The following FGL2 variants were observed in gnomAD, a reference collection of about 807,000 sequenced individuals.
FGL2 encodes the protein fibrinogen like 2.
A neutral mutation model predicts 36.0 loss-of-function variants in FGL2; 21 were observed. That is an observed-to-expected ratio of 0.58 (90% CI 0.41 to 0.84). The LOEUF (loss-of-function observed/expected upper bound fraction) is 0.84, where lower values mean the gene tolerates loss of function less well. Ranked by LOEUF, FGL2 falls within the 40% of genes least tolerant of loss-of-function variation. The pLI is 0.00. For missense variants in FGL2, 444 were observed against 526.3 expected, an observed-to-expected ratio of 0.84 and a Z score of 1.53; for synonymous variants, 183 against 190.7, an observed-to-expected ratio of 0.96 and a Z score of 0.33.
At chr7:77,199,052 G>C (rs1354851104) in intron 1 of FGL2, 129 bp downstream of exon 1, 1 of 787,186 alleles carries the variant, frequency 1.3e-6, no homozygotes, top group Non-Finnish European at 2.0e-6. Context: ...ATTTTTTCCT[G>C]TGCACCTTGA....
In FGL2 at chr7:77,199,668, T is replaced by C. The variant is rs571305378; in HGVS notation, c.126A>G (p.Arg42=). Reference sequence around the variant, plus strand: ...CTTCGCATTTCCCTCTGCTTTCTAGTCTCACTGGGCAGACATCCTTTGCTC... The same window carrying C: ...CTTCGCATTTCCCTCTGCTTTCTAGCCTCACTGGGCAGACATCCTTTGCTC... ...DERAKDVCPV[R]LESRGKCEEA... Residue 42 remains arginine (R), a synonymous_variant, in exon 1 of 2, where the codon AGA becomes AGG. Transcript: ENST00000248598. 1.2e-6 allele frequency: 2 copies of C among 1,614,220 alleles called. No individual in the cohort carries two copies. Among genetic ancestry groups the C allele is most frequent in the African/African-American group, 2.7e-5 (2 of 75,066 alleles).
chr7:77,196,658 G>A lies in FGL2; in HGVS notation c.941C>T (p.Ala314Val), dbSNP rs868604891. ...LEDFNGVELY[A>V]LYDQFYVANE... ...AGCCACATAAAACTGATCATACAAG[G>A]CATATAGTTCGACACCATTAAAGTC... The change falls in exon 2 of 2, where the codon GCC becomes GTC. Residue 314 changes from alanine to valine, a missense_variant. Ala to Val is a moderately conservative substitution (Grantham distance 64). Transcript: ENST00000248598. The surrounding 1 kb of genome is among the most constrained non-coding windows in gnomAD (Gnocchi z 4.2). 6.2e-7 allele frequency: 1 copy of A among 1,613,918 alleles called. No homozygotes were observed. Among genetic ancestry groups the A allele is most frequent in the Admixed American group, 1.7e-5 (1 of 60,014 alleles).
chr7:77,196,948 G>A lies in FGL2; in HGVS notation c.651C>T (p.Tyr217=), dbSNP rs566096585. The A allele has an allele frequency of 3.4e-5, 55 of 1,611,638 alleles. No individual in the cohort carries two copies. The highest frequency in any genetic ancestry group is 4.0e-5 in the Non-Finnish European group (47 of 1,178,752). The change falls in exon 2 of 2, where the codon TAC becomes TAT. Residue 217 remains tyrosine, a synonymous_variant. Transcript: ENST00000248598. The surrounding 1 kb of genome is among the most constrained non-coding windows in gnomAD (Gnocchi z 4.2). The stretch of plus-strand genomic sequence containing the variant: ...TCTCACTGCTTCTTTTGCCTATTGC[G>A]TAGTAGTCAGAGCAATCTTTATATA... The part of the protein sequence containing the change: ...HLIYKDCSDY[Y]AIGKRSSETY...
In FGL2 at chr7:77,196,453, A is replaced by G; in HGVS notation, c.1146T>C (p.Asp382=). 16 of 1,614,194 alleles carry G rather than the reference A, an allele frequency of 9.9e-6. No individual in the cohort carries two copies. The highest frequency in any genetic ancestry group is 1.3e-5 in the Non-Finnish European group (15 of 1,180,030). Residue 382 remains aspartate (D), a synonymous_variant, in exon 2 of 2, where the codon GAT becomes GAC. Coordinates refer to ENST00000248598, the MANE Select transcript of FGL2 (RefSeq NM_006682.3). This position sits in a 1 kb window ranked among gnomAD's most constrained non-coding sequence, Gnocchi z 4.2. ...CATTTAAGTTTGCAGAAAGACATGC[A>G]TCAAACCACCAGCCTGAACTGTAGT... ...GLYYSSGWWF[D]ACLSANLNGK... is the part of the protein sequence containing the mutation.
chr7:77,198,293 C>T (rs1406108083), intron 1 of FGL2: 1 of 985,304 alleles, frequency 1.0e-6, no homozygotes, highest in Admixed American at 6.1e-5. Context: ...GATCTCCGCC[C>T]TGTCCTTTCA....
chr7:77,194,975 C>T lies in FGL2; in HGVS notation c.*1304G>A, dbSNP rs1213278381. Reference sequence around the variant, plus strand: ...GATAGTAAAATAAGCAATCTACCAGCCAGGGTTGAAATATATAGTATTTTA... The same window carrying T: ...GATAGTAAAATAAGCAATCTACCAGTCAGGGTTGAAATATATAGTATTTTA... On this transcript the variant is annotated 3_prime_UTR_variant, in exon 2 of 2. Coordinates refer to ENST00000248598, the MANE Select transcript of FGL2 (RefSeq NM_006682.3). 6.6e-6 allele frequency: 1 copy of T among 152,010 alleles called. No individual in the cohort carries two copies. The highest frequency in any genetic ancestry group is 2.4e-5 in the African/African-American group (1 of 41,392). 9.4% of individuals were successfully genotyped at this position (152,010 alleles called of 1,614,324 possible). A position where few individuals can be genotyped will look rare whatever the true frequency, so the allele number is the denominator to read the frequency against.
chr7:77,198,894 C>T (rs1001511048), intron 1 of FGL2: 27 of 456,604 alleles, frequency 5.9e-5, no homozygotes, highest in Non-Finnish European at 1.0e-4. Context: ...ACTAAAACAT[C>T]AAGAAATTCT....
intron 1 of FGL2, 107 bp from the exon 2 acceptor site, chr7:77,197,092 T>A: frequency 1.4e-6 from 1 of 704,972 alleles, no homozygotes. Context: ...TCAATGGCAG[T>A]AATGAAACTT....
At position 77,196,584 on chromosome 7, in the gene FGL2, C is replaced by G. The variant is rs1485003871; in HGVS notation, c.1015G>C (p.Ala339Pro). ...TTGTTGAAACGTAATGCATCTCCAG[C>G]TGTGCCATTATAGTTACCAACGTGT... ...RLHVGNYNGT[A>P]GDALRFNKHY... Residue 339 changes from alanine to proline, a missense_variant, in exon 2 of 2, where the codon GCT (alanine) becomes CCT (proline). By Grantham distance (27) the Ala-to-Pro change is conservative (BLOSUM62 -1). Transcript: ENST00000248598. The surrounding 1 kb of genome is among the most constrained non-coding windows in gnomAD (Gnocchi z 4.2). The G allele has an allele frequency of 1.2e-6, 2 of 1,614,164 alleles. No individual in the cohort carries two copies. The highest frequency in any genetic ancestry group is 1.7e-6 in the Non-Finnish European group (2 of 1,180,006).
rs1311999589 is a variant in FGL2, at chr7:77,194,909, C to A, written c.*1370G>T. ...CAGAATTGATGAATTATAAAAATTA[C>A]AGATACTTCTGTTTGGGTAAAAATC... On this transcript the variant is annotated 3_prime_UTR_variant, in exon 2 of 2. Transcript: ENST00000248598. 6.6e-6 allele frequency: 1 copy of A among 152,024 alleles called. No individual in the cohort carries two copies. The highest frequency in any genetic ancestry group is 2.4e-5 in the African/African-American group (1 of 41,404). The allele number at this position is 152,024 out of a possible 1,614,324, so 9.4% of individuals were successfully genotyped here. A position where few individuals can be genotyped will look rare whatever the true frequency, so the allele number is the denominator to read the frequency against.
At position 77,195,139 on chromosome 7, in the gene FGL2, T is replaced by C. The variant is rs1419058855; in HGVS notation, c.*1140A>G. ...CAGAGTATGATAGCCTGTAAGTAAA[T>C]GCTTCATTACCCACATATCCCTACC... On this transcript the variant is annotated 3_prime_UTR_variant, in exon 2 of 2. Coordinates refer to ENST00000248598, the MANE Select transcript of FGL2 (RefSeq NM_006682.3). 6.6e-6 allele frequency: 1 copy of C among 152,066 alleles called. No individual in the cohort carries two copies. The highest frequency in any genetic ancestry group is 1.9e-4 in the East Asian group (1 of 5,194). 9.4% of individuals were successfully genotyped at this position (152,066 alleles called of 1,614,324 possible).
chr7:77,198,215 C>T (rs1382298947), intron 1 of FGL2: 4 of 985,330 alleles, frequency 4.1e-6, no homozygotes, highest in Non-Finnish European at 4.8e-6. Context: ...AAATATGACC[C>T]TTCCCTCCTT....
In FGL2 at chr7:77,196,913, ACT is replaced by A. The variant is rs1791883297; in HGVS notation, c.684_685del (p.Arg228SerfsTer4). On this transcript the variant is annotated frameshift_variant, in exon 2 of 2. Transcript: ENST00000248598. LOFTEE classifies it high-confidence loss of function. The surrounding 1 kb of genome is among the most constrained non-coding windows in gnomAD (Gnocchi z 4.2). ...GCTACTATTTTTGGGATCAGGTGTA[ACT>A]CTGTAGGTCTCACTGCTTCTTTTGC... is the stretch of plus-strand genomic sequence containing the variant. 1 of 1,613,590 alleles carries A rather than the reference ACT, an allele frequency of 6.2e-7. No homozygotes were observed. Among genetic ancestry groups the A allele is most frequent in the East Asian group, 2.2e-5 (1 of 44,872 alleles).
In FGL2 at chr7:77,199,566, C is replaced by G; in HGVS notation, c.228G>C (p.Glu76Asp). Residue 76 changes from glutamate to aspartate, a missense_variant, in exon 1 of 2, where the codon GAG becomes GAC. Coordinates refer to ENST00000248598, the MANE Select transcript of FGL2 (RefSeq NM_006682.3). ...GGTTTTGGACTTCTTTGAACACCTC[C>G]TCGATCCTGCTGAATTGCTTCGGGA... ...IQLPKQFSRI[E>D]EVFKEVQNLK... 6.2e-7 allele frequency: 1 copy of G among 1,614,170 alleles called. No homozygotes were observed. The highest frequency in any genetic ancestry group is 8.5e-7 in the Non-Finnish European group (1 of 1,180,020).
At position 77,196,324 on chromosome 7, in the gene FGL2, G is replaced by GA; in HGVS notation, c.1274dup (p.Lys426GlnfsTer4). 6.2e-7 allele frequency: 1 copy of GA among 1,614,058 alleles called. No homozygotes were observed. On this transcript the variant is annotated frameshift_variant, in exon 2 of 2. Coordinates refer to ENST00000248598, the MANE Select transcript of FGL2 (RefSeq NM_006682.3). LOFTEE classifies it high-confidence loss of function. This position sits in a 1 kb window ranked among gnomAD's most constrained non-coding sequence, Gnocchi z 4.2. ...GTCTGATCATCATCTTAGCCTCTTT[G>GA]AAGGAGGACTTGTAGCCACCAGGGT...
rs1333299622 is a variant in FGL2 at position 77,196,650 on chromosome 7, C to G, written c.949G>C (p.Asp317His). 2.5e-6 allele frequency: 4 copies of G among 1,613,996 alleles called. No individual in the cohort carries two copies. The highest frequency in any genetic ancestry group is 3.4e-6 in the Non-Finnish European group (4 of 1,179,966). ...AACTCATTAGCCACATAAAACTGAT[C>G]ATACAAGGCATATAGTTCGACACCA... ...FNGVELYALY[D>H]QFYVANEFLK... is the part of the protein sequence containing the mutation. Residue 317 changes from aspartate (D) to histidine (H), a missense_variant, in exon 2 of 2, where the codon GAT (aspartate) becomes CAT (histidine). Coordinates refer to ENST00000248598, the MANE Select transcript of FGL2 (RefSeq NM_006682.3). This position sits in a 1 kb window ranked among gnomAD's most constrained non-coding sequence, Gnocchi z 4.2.
rs1791813358 is a variant in FGL2, at chr7:77,193,739, A to G, written c.*2540T>C. 6.6e-6 allele frequency: 1 copy of G among 152,258 alleles called. No individual in the cohort carries two copies. 9.4% of individuals were successfully genotyped at this position (152,258 alleles called of 1,614,324 possible). ...AAATCAGCTCCACCTGGAATTTCTA[A>G]GGACCCAGTTTTAGTCAATATTTTC... On this transcript the variant is annotated 3_prime_UTR_variant, in exon 2 of 2. Transcript: ENST00000248598.
At chr7:77,198,981 GAACT>G (rs1256706181) in intron 1 of FGL2, 196 bp downstream of exon 1, 19 of 590,058 alleles carry the variant, frequency 3.2e-5, no homozygotes, top group South Asian at 2.7e-4. Context: ...AGTGGATACA[GAACT>G]AACTATGATT....
rs1289492542 is a variant in FGL2, at chr7:77,193,426, TTAAA to T, written c.*2849_*2852del. On this transcript the variant is annotated 3_prime_UTR_variant, in exon 2 of 2. Transcript: ENST00000248598. ...CCACATTGAAGAATAGATGTGATAA[TTAAA>T]TCTTTTATAAGGTTTTAAAAAGACA... is the stretch of plus-strand genomic sequence containing the variant. 6.6e-6 allele frequency: 1 copy of T among 152,200 alleles called. No individual in the cohort carries two copies. The highest frequency in any genetic ancestry group is 1.5e-5 in the Non-Finnish European group (1 of 68,018). The allele number at this position is 152,200 out of a possible 1,614,324, so 9.4% of individuals were successfully genotyped here.
Sources: gnomAD v4.1 joint callset for allele counts on GRCh38, gnomAD v4.1.1 for gene constraint, Gnocchi (gnomAD v3.1) non-coding constraint, MANE v1.5 for transcripts, NCBI Gene and HGNC (gene_info 2026-07-23, HGNC 2026-07-21) for gene names.